Variants in ACER1 observed in about 807,000 individuals in gnomAD.
The protein encoded by ACER1 is CTB-180A7.3.
Under a neutral mutation model 24.9 loss-of-function variants are expected in ACER1, and 28 were observed. The ratio of observed to expected loss-of-function variants is 1.13; its 90% confidence interval spans 0.83 to 1.54. The LOEUF (loss-of-function observed/expected upper bound fraction) is 1.54, where lower values mean the gene tolerates loss of function less well. Ranked by LOEUF, ACER1 falls within the 40% of genes most tolerant of loss-of-function variation. The pLI is 0.00. For missense variants in ACER1, 352 were observed against 349.3 expected, an observed-to-expected ratio of 1.01 and a Z score of -0.06; for synonymous variants, 132 against 131.4, an observed-to-expected ratio of 1.00 and a Z score of -0.03.
At chr19:6,351,202 T>C in the ACER1 span, among the ~76,000 whole-genome samples, 6 of 151,274 alleles carry the variant, frequency 4.0e-5, no homozygotes, top group South Asian at 1.0e-3. Context: ...CCGTCTCTAC[T>C]AAAAATACAA....
At chr19:6,349,448 AGAAGGAAG>A in the ACER1 span, among the ~76,000 whole-genome samples, 11 of 129,334 alleles carry the variant, frequency 8.5e-5, no homozygotes, top group South Asian at 2.5e-4. Context: ...AAGGGAGGAA[AGAAGGAAG>A]GAAGGAAGGA....
intron 3 of ACER1, among the ~76,000 whole-genome samples, chr19:6,310,289 A>G (rs984003781): frequency 1.1e-4 from 16 of 139,200 alleles, no homozygotes; most frequent in African/African-American, 4.0e-4. Flanking sequence ...GGGTTTCACC[A>G]TGTTAGCCAG....
upstream of ACER1, among the ~76,000 whole-genome samples, chr19:6,336,670 C>A (rs10404990): frequency 0.05 from 7,510 of 150,312 alleles, 277 homozygotes; most frequent in African/African-American, 0.11. Context: ...AATATAAAAA[C>A]CTAGCCAGGC....
the ACER1 span, among the ~76,000 whole-genome samples, chr19:6,347,218 C>CTTTTTTTT: frequency 2.3e-5 from 3 of 132,208 alleles, no homozygotes; most frequent in Non-Finnish European, 4.6e-5. Context: ...CTTTTCTTTT[C>CTTTTTTTT]TTTTTCTTTT....
At chr19:6,333,655 G>A, upstream of ACER1, 13 of 959,874 alleles carry the variant, frequency 1.4e-5, no homozygotes, top group South Asian at 1.7e-5. Flanking sequence ...CCGGTGCCCC[G>A]CGGCAGGCAG....
intron 1 of ACER1, among the ~76,000 whole-genome samples, chr19:6,315,191 TTA>T (rs58882809): frequency 2.5e-3 from 277 of 109,318 alleles, no homozygotes; most frequent in Admixed American, 4.4e-3. Context: ...CCTTATTTAT[TTA>T]TATTTATTTA....
intron 1 of ACER1, 32 bp from the exon 2 acceptor site, chr19:6,312,531 G>C: frequency 1.3e-6 from 2 of 1,567,194 alleles, no homozygotes; most frequent in African/African-American, 1.4e-5. Context: ...GGAGGAGCTC[G>C]TCAGATAGGG....
At chr19:6,346,524 T>C in the ACER1 span, among the ~76,000 whole-genome samples, 6 of 150,200 alleles carry the variant, frequency 4.0e-5, no homozygotes, top group East Asian at 7.7e-4. Flanking sequence ...CTTTTCTTTT[T>C]TTTTTTTTTT....
the ACER1 span, among the ~76,000 whole-genome samples, chr19:6,345,628 G>A: frequency 3.4e-4 from 50 of 148,542 alleles, no homozygotes; most frequent in East Asian, 9.0e-3. Flanking sequence ...GCAGTGGTAC[G>A]ATCTCAGCTC....
rs1469686284 is a variant in ACER1 at position 6,324,910 on chromosome 19, A to AGGAAGGAAGGAG, written c.93+8548_93+8549insCTCCTTCCTTCC. On this transcript the variant is annotated intron_variant, in intron 1 of 5. Transcript: ENST00000301452. ...AAGGAAGGAAGGAAGGAAGGAAGGA[A>AGGAAGGAAGGAG]GGAGGAAGGAAGGAAACTCTCCTAA... Among the ~76,000 whole-genome samples the AGGAAGGAAGGAG allele has an allele frequency of 2.9e-3, 426 of 145,642 alleles. 1 individual carries two copies. Among genetic ancestry groups the AGGAAGGAAGGAG allele is most frequent in the African/African-American group, 0.011 (409 of 38,476 alleles).
Position 6,306,364 on chromosome 19 carries a change from G to C in ACER1, c.*350C>G, listed in dbSNP as rs2091552165. The C allele has an allele frequency of 5.1e-6, 1 of 195,302 alleles. No individual in the cohort carries two copies. Among genetic ancestry groups the C allele is most frequent in the African/African-American group, 2.3e-5 (1 of 43,382 alleles). 12.1% of individuals were successfully genotyped at this position (195,302 alleles called of 1,614,324 possible). A position where few individuals can be genotyped will look rare whatever the true frequency, so the allele number is the denominator to read the frequency against. On this transcript the variant is annotated 3_prime_UTR_variant, in exon 6 of 6. Transcript: ENST00000301452. ...TTCCCAGCCTAGAAGCTAATATTTA[G>C]ATGCCACATCCTTCAGTCACCCCAG...
chr19:6,307,179 A>G lies in ACER1; in HGVS notation c.600T>C (p.Ile200=), dbSNP rs1006850744. ...AGATGCTGTGCAGATAGAAGAAATG[A>G]ATCCTCTGCCAGAAGCTGCAAAGCA... The part of the protein sequence containing the change: ...DRLLCSFWQR[I]HFFYLHSIWH... The change falls in exon 5 of 6, where the codon ATT becomes ATC. Residue 200 remains isoleucine (I), a synonymous_variant. Coordinates refer to ENST00000301452, the MANE Select transcript of ACER1 (RefSeq NM_133492.3). 3 of 1,613,988 alleles carry G rather than the reference A, an allele frequency of 1.9e-6. No individual in the cohort carries two copies. Among genetic ancestry groups the G allele is most frequent in the Non-Finnish European group, 1.7e-6 (2 of 1,180,048 alleles).
At chr19:6,316,882 CACTTGT>C (rs2091605679) in intron 1 of ACER1, among the ~76,000 whole-genome samples, 1 of 151,130 alleles carries the variant, frequency 6.6e-6, no homozygotes, top group Admixed American at 6.6e-5. Context: ...AACAAAACTG[CACTTGT>C]ACTTCTTCAA....
chr19:6,306,462 G>T lies in ACER1; in HGVS notation c.*252C>A. 2.2e-6 allele frequency: 1 copy of T among 447,086 alleles called. No individual in the cohort carries two copies. The highest frequency in any genetic ancestry group is 3.5e-5 in the East Asian group (1 of 28,676). The allele number at this position is 447,086 out of a possible 1,614,324, so 27.7% of individuals were successfully genotyped here. A position where few individuals can be genotyped will look rare whatever the true frequency, so the allele number is the denominator to read the frequency against. ...AGGCTGTGGACACAGAGGAGGAAAT[G>T]AAAGAGGATGGGGGGGGTCATGGAG... is the stretch of plus-strand genomic sequence containing the variant. On this transcript the variant is annotated 3_prime_UTR_variant, in exon 6 of 6. Coordinates refer to ENST00000301452, the MANE Select transcript of ACER1 (RefSeq NM_133492.3).
chr19:6,341,035 A>G, the ACER1 span, among the ~76,000 whole-genome samples: 2 of 152,000 alleles, frequency 1.3e-5, no homozygotes, highest in Non-Finnish European at 1.5e-5. Context: ...TCCAGTGTCT[A>G]GAGGCAACCC....
chr19:6,312,667 C>CTT lies in ACER1; in HGVS notation c.94-170_94-169dup, dbSNP rs35762850. ...TCACCTGTCAACCTTTCAGCCGACC[C>CTT]TTTTTTTTTTTTTTTTTTTAGATGG... On this transcript the variant is annotated intron_variant, in intron 1 of 5. Transcript: ENST00000301452. Among the ~76,000 whole-genome samples the CTT allele has an allele frequency of 2.8e-4, 37 of 132,378 alleles. No individual in the cohort carries two copies. In the Middle Eastern group the frequency reaches 0.012, roughly 41 times the overall value. The allele number at this position is 132,378 out of a possible 152,430, so 86.8% of individuals were successfully genotyped here. A position where few individuals can be genotyped will look rare whatever the true frequency, so the allele number is the denominator to read the frequency against.
At chr19:6,349,897 G>A in the ACER1 span, among the ~76,000 whole-genome samples, 1 of 152,286 alleles carries the variant, frequency 6.6e-6, no homozygotes, top group Non-Finnish European at 1.5e-5. Flanking sequence ...TTGGGAAGCC[G>A]AGATGGAACA....
chr19:6,358,513 G>C, the ACER1 span, among the ~76,000 whole-genome samples: 1 of 152,138 alleles, frequency 6.6e-6, no homozygotes, highest in African/African-American at 2.4e-5. Flanking sequence ...CAGTGTCCCA[G>C]CTACTTGGGA....
chr19:6,343,599 C>T, the ACER1 span, among the ~76,000 whole-genome samples: 2 of 150,936 alleles, frequency 1.3e-5, no homozygotes, highest in Admixed American at 6.6e-5. Flanking sequence ...TCATGTGGCC[C>T]CCACCTCAAC....
Sources: gnomAD v4.1 joint callset for allele counts (sites outside exome capture counted in the v4.1 genomes callset) on GRCh38, gnomAD v4.1.1 for gene constraint, MANE v1.5 for transcripts, NCBI Gene and HGNC (gene_info 2026-07-23, HGNC 2026-07-21) for gene names.